Variants in ATG10 observed in about 807,000 individuals in gnomAD.
ATG10 encodes autophagy related 10.
In ATG10, 30 loss-of-function variants were observed where a neutral mutation model predicts 32.1. The ratio of observed to expected loss-of-function variants is 0.94; its 90% CI spans 0.70 to 1.27. ATG10 has a LOEUF of 1.27. Among genes scored for constraint, ATG10 ranks in the 50% most tolerant of loss-of-function variants. ATG10 has a pLI of 0.00. For synonymous variants in ATG10, 87 were observed against 91.5 expected, an observed-to-expected ratio of 0.95 and a Z score of 0.28; for missense variants, 233 against 262.3, an observed-to-expected ratio of 0.89 and a Z score of 0.77.
chr5:82,089,904 A>G (rs1263757765), intron 3 of ATG10, among the ~76,000 whole-genome samples: 1 of 152,104 alleles, frequency 6.6e-6, no homozygotes, highest in Non-Finnish European at 1.5e-5. Context: ...TAACATTATA[A>G]AAACAGTCCA....
chr5:82,092,097 T>C (rs1252734639), intron 3 of ATG10, among the ~76,000 whole-genome samples: 1 of 152,194 alleles, frequency 6.6e-6, no homozygotes, highest in Non-Finnish European at 1.5e-5. Context: ...GCTTTTGTAT[T>C]TGAAGGTGGG....
chr5:82,077,139 T>C (rs1004868850), intron 3 of ATG10, among the ~76,000 whole-genome samples: 5 of 152,112 alleles, frequency 3.3e-5, no homozygotes, highest in African/African-American at 1.2e-4. Context: ...CTGGGCAACA[T>C]GGCAAAACCC....
intron 2 of ATG10, among the ~76,000 whole-genome samples, chr5:82,043,653 A>T (rs1336090370): frequency 6.6e-6 from 1 of 152,238 alleles, no homozygotes; most frequent in East Asian, 1.9e-4. Flanking sequence ...TTTTAGAAAC[A>T]GCCAAGTTAC....
intron 3 of ATG10, among the ~76,000 whole-genome samples, chr5:82,082,981 T>C (rs1259561604): frequency 6.6e-6 from 1 of 152,184 alleles, no homozygotes; most frequent in African/African-American, 2.4e-5. Context: ...ACCGGGTTCA[T>C]CTCACTGGGG....
intron 3 of ATG10, among the ~76,000 whole-genome samples, chr5:82,120,504 A>G (rs1485680341): frequency 1.3e-5 from 2 of 152,202 alleles, no homozygotes; most frequent in East Asian, 3.8e-4. Context: ...AATTGTTCAG[A>G]TTTTTGATTT....
chr5:82,159,058 T>G (rs995568153), intron 3 of ATG10, among the ~76,000 whole-genome samples: 1 of 152,196 alleles, frequency 6.6e-6, no homozygotes, highest in Non-Finnish European at 1.5e-5. Flanking sequence ...ATATCCAAAT[T>G]TCCAGTATCA....
chr5:82,037,625 A>C (rs1005028684), intron 2 of ATG10, among the ~76,000 whole-genome samples: 1 of 152,124 alleles, frequency 6.6e-6, no homozygotes, highest in Non-Finnish European at 1.5e-5. Context: ...TTTAATGGAA[A>C]TGTTTATAAT....
chr5:81,987,989 A>G (rs949425654), intron 2 of ATG10, among the ~76,000 whole-genome samples: 7 of 152,214 alleles, frequency 4.6e-5, no homozygotes, highest in Non-Finnish European at 7.3e-5. Flanking sequence ...GGTGCTTCAA[A>G]TCATCAATCC....
intron 1 of ATG10, among the ~76,000 whole-genome samples, chr5:81,974,982 T>A (rs1760827553): frequency 1.3e-5 from 2 of 152,174 alleles, no homozygotes; most frequent in Admixed American, 6.5e-5. Context: ...ATCTAACTAC[T>A]GTAGGGCCCA....
At chr5:82,025,860 A>G (rs1041466940) in intron 2 of ATG10, among the ~76,000 whole-genome samples, 2 of 152,204 alleles carry the variant, frequency 1.3e-5, no homozygotes, top group Admixed American at 6.5e-5. Context: ...ACATTTGATT[A>G]CACATTTCTG....
chr5:81,993,432 T>TTTTCTTTCC (rs1761566038), intron 2 of ATG10, among the ~76,000 whole-genome samples: 3 of 139,056 alleles, frequency 2.2e-5, no homozygotes. Context: ...TCTTTCCTTC[T>TTTTCTTTCC]TTCTTTCTTT....
intron 2 of ATG10, among the ~76,000 whole-genome samples, chr5:82,005,222 A>G (rs955599747): frequency 2.0e-5 from 3 of 152,148 alleles, no homozygotes; most frequent in East Asian, 1.9e-4. Flanking sequence ...TTTGTATGTT[A>G]CATATATGCT....
chr5:82,232,287 A>G (rs777913403), intron 5 of ATG10, among the ~76,000 whole-genome samples: 2 of 152,202 alleles, frequency 1.3e-5, no homozygotes, highest in Non-Finnish European at 2.9e-5. Context: ...CAGGCTTCCA[A>G]TTGTTTTACT....
chr5:82,253,530 T>C (rs1016056231), intron 7 of ATG10, 101 bp downstream of exon 7: 3 of 783,168 alleles, frequency 3.8e-6, no homozygotes, highest in African/African-American at 1.7e-5. Flanking sequence ...CTTTCATCTT[T>C]AGTGGGCAAA....
chr5:82,153,372 T>G (rs908436200), intron 3 of ATG10, among the ~76,000 whole-genome samples: 1 of 152,018 alleles, frequency 6.6e-6, no homozygotes, highest in Admixed American at 6.6e-5. Context: ...AAAAAACTTG[T>G]GGGGCATTCT....
chr5:82,193,477 T>C (rs1744737019), intron 5 of ATG10, among the ~76,000 whole-genome samples: 1 of 152,198 alleles, frequency 6.6e-6, no homozygotes, highest in African/African-American at 2.4e-5. Context: ...AATTTAAACT[T>C]GTTCGTATAC....
At chr5:82,117,640 C>T (rs1295178705) in intron 3 of ATG10, among the ~76,000 whole-genome samples, 1 of 152,076 alleles carries the variant, frequency 6.6e-6, no homozygotes, top group Non-Finnish European at 1.5e-5. Flanking sequence ...AGAGGAGTTT[C>T]ATTCATATGA....
intron 3 of ATG10, among the ~76,000 whole-genome samples, chr5:82,111,148 A>G (rs1282543840): frequency 6.6e-6 from 1 of 151,926 alleles, no homozygotes; most frequent in African/African-American, 2.4e-5. Context: ...TTTTTATTTT[A>G]TCAAACTTTA....
chr5:82,129,375 T>A (rs1766419643), intron 3 of ATG10, among the ~76,000 whole-genome samples: 1 of 152,046 alleles, frequency 6.6e-6, no homozygotes. Context: ...TGTCCAGTTA[T>A]GTTCCCTTGC....
Sources: allele counts gnomAD v4.1 joint callset (sites outside exome capture counted in the v4.1 genomes callset), GRCh38; gene constraint gnomAD v4.1.1; transcripts MANE v1.5; gene names NCBI Gene and HGNC (gene_info 2026-07-23, HGNC 2026-07-21).